CPA6: variants seen among roughly 807,000 people sequenced by gnomAD.
The protein encoded by CPA6 is carboxypeptidase B.
Under a neutral mutation model 63.3 loss-of-function variants are expected in CPA6, and 58 were observed. The ratio of observed to expected loss-of-function variants is 0.92; its 90% CI spans 0.74 to 1.14. The LOEUF is 1.14. Among genes scored for constraint, CPA6 ranks in the 50% most tolerant of loss-of-function variants. The pLI is 0.00. For missense variants in CPA6, 565 were observed against 526.6 expected, an observed-to-expected ratio of 1.07 and a Z score of -0.71; for synonymous variants, 185 against 179.0, an observed-to-expected ratio of 1.03 and a Z score of -0.27.
chr8:67,680,002 C>T (rs1816558911), intron 1 of CPA6, among the ~76,000 whole-genome samples: 1 of 152,158 alleles, frequency 6.6e-6, no homozygotes, highest in African/African-American at 2.4e-5. Context: ...AACTGACTTG[C>T]ATGTAGCTTG....
intron 1 of CPA6, among the ~76,000 whole-genome samples, chr8:67,655,367 A>G (rs1456125742): frequency 6.6e-6 from 1 of 152,140 alleles, no homozygotes; most frequent in African/African-American, 2.4e-5. Flanking sequence ...CTGTGATTTC[A>G]TATACTCTAA....
intron 8 of CPA6, among the ~76,000 whole-genome samples, chr8:67,479,577 T>G (rs1199615428): frequency 6.6e-6 from 1 of 152,154 alleles, no homozygotes; most frequent in Non-Finnish European, 1.5e-5. Flanking sequence ...TTGTACTGAA[T>G]ATTACCTGTG....
chr8:67,704,303 C>A, intron 1 of CPA6, among the ~76,000 whole-genome samples: 1 of 152,144 alleles, frequency 6.6e-6, no homozygotes, highest in East Asian at 1.9e-4. Context: ...GCGTCAAGAC[C>A]TTCAAGGTCA....
chr8:67,720,830 A>G (rs1021208748), intron 1 of CPA6, among the ~76,000 whole-genome samples: 1 of 152,086 alleles, frequency 6.6e-6, no homozygotes, highest in Non-Finnish European at 1.5e-5. Flanking sequence ...CTTGTTGATC[A>G]CTTCCTGGCT....
intron 2 of CPA6, among the ~76,000 whole-genome samples, chr8:67,592,201 A>G (rs1209299852): frequency 6.6e-6 from 1 of 152,142 alleles, no homozygotes; most frequent in Non-Finnish European, 1.5e-5. Flanking sequence ...ACTGATTTGC[A>G]TATATTGAAC....
At chr8:67,729,851 C>T (rs867469245) in intron 1 of CPA6, among the ~76,000 whole-genome samples, 2 of 152,164 alleles carry the variant, frequency 1.3e-5, no homozygotes, top group Non-Finnish European at 2.9e-5. Context: ...TTCTTAATGG[C>T]GACAGCAGGT....
At chr8:67,556,905 C>A (rs1813075581) in intron 2 of CPA6, among the ~76,000 whole-genome samples, 1 of 152,234 alleles carries the variant, frequency 6.6e-6, no homozygotes, top group Non-Finnish European at 1.5e-5. Context: ...GAATAGGACT[C>A]TTTCCTCCTA....
At chr8:67,633,046 A>T (rs2128988479) in intron 1 of CPA6, among the ~76,000 whole-genome samples, 1 of 152,320 alleles carries the variant, frequency 6.6e-6, no homozygotes, top group Admixed American at 6.5e-5. Context: ...TTTTCAATTT[A>T]CTTTTGAATA....
At chr8:67,739,427 G>A (rs1254235438) in intron 1 of CPA6, among the ~76,000 whole-genome samples, 1 of 152,220 alleles carries the variant, frequency 6.6e-6, no homozygotes, top group Non-Finnish European at 1.5e-5. Flanking sequence ...AGGCACTGGA[G>A]AACTATTCCA....
chr8:67,709,862 G>A (rs967336343), intron 1 of CPA6, among the ~76,000 whole-genome samples: 29 of 152,274 alleles, frequency 1.9e-4, no homozygotes, highest in African/African-American at 5.1e-4. Flanking sequence ...TGTAATCCTA[G>A]CACTTTGGGA....
At chr8:67,494,384 T>A (rs1216528741) in intron 6 of CPA6, among the ~76,000 whole-genome samples, 1 of 152,140 alleles carries the variant, frequency 6.6e-6, no homozygotes, top group Admixed American at 6.6e-5. Flanking sequence ...TGAGTTACTT[T>A]CTTAATATTA....
At chr8:67,481,449 A>G (rs1223271238) in intron 8 of CPA6, among the ~76,000 whole-genome samples, 1 of 152,242 alleles carries the variant, frequency 6.6e-6, no homozygotes, top group East Asian at 1.9e-4. Context: ...GCTATGAAGT[A>G]TTCAAAAAGT....
At chr8:67,671,244 C>A (rs1816337026) in intron 1 of CPA6, among the ~76,000 whole-genome samples, 1 of 152,230 alleles carries the variant, frequency 6.6e-6, no homozygotes, top group Non-Finnish European at 1.5e-5. Context: ...TAAATATTTG[C>A]TGAAATTAAA....
At chr8:67,429,315 A>G (rs1242303757) in intron 9 of CPA6, among the ~76,000 whole-genome samples, 1 of 152,262 alleles carries the variant, frequency 6.6e-6, no homozygotes, top group East Asian at 1.9e-4. Context: ...ACTGGTTTCA[A>G]CAAGGAGTTA....
intron 1 of CPA6, among the ~76,000 whole-genome samples, chr8:67,706,661 G>T (rs1817141793): frequency 6.6e-6 from 1 of 152,116 alleles, no homozygotes; most frequent in African/African-American, 2.4e-5. Context: ...AGTATACCTA[G>T]TATTTACAGT....
chr8:67,577,718 A>G (rs964329398), intron 2 of CPA6, among the ~76,000 whole-genome samples: 1 of 152,204 alleles, frequency 6.6e-6, no homozygotes, highest in Non-Finnish European at 1.5e-5. Flanking sequence ...TCCGTAAGAG[A>G]GTAACTCACT....
chr8:67,475,195 G>A (rs541119588), intron 8 of CPA6, among the ~76,000 whole-genome samples: 30 of 152,330 alleles, frequency 2.0e-4, no homozygotes, highest in Non-Finnish European at 3.5e-4. Flanking sequence ...GTAGGAGGCA[G>A]CAAAGAAGAA....
At chr8:67,565,888 G>A (rs1704455752) in intron 2 of CPA6, among the ~76,000 whole-genome samples, 1 of 152,186 alleles carries the variant, frequency 6.6e-6, no homozygotes, top group African/African-American at 2.4e-5. Context: ...CCACTTTGGA[G>A]AATGCCTCCT....
chr8:67,647,743 T>C (rs1278796243), intron 1 of CPA6, among the ~76,000 whole-genome samples: 2 of 152,172 alleles, frequency 1.3e-5, no homozygotes, highest in Non-Finnish European at 2.9e-5. Context: ...GATCTTACAT[T>C]ACAGGAAGAA....
Sources: allele counts gnomAD v4.1 joint callset (sites outside exome capture counted in the v4.1 genomes callset), GRCh38; gene constraint gnomAD v4.1.1; transcripts MANE v1.5; gene names NCBI Gene and HGNC (gene_info 2026-07-23, HGNC 2026-07-21).